PRPF4: variants seen among roughly 807,000 people sequenced by gnomAD.
PRPF4 encodes the protein pre-mRNA splicing tri-snRNP complex factor PRPF4, also known as U4/U6 small nuclear ribonucleoprotein Prp4.
PRPF4 carries 14 observed loss-of-function variants against 72.2 expected under a neutral mutation model. That is an observed-to-expected ratio of 0.19 (90% CI 0.13 to 0.30). The LOEUF is 0.30. Ranked by LOEUF, PRPF4 falls within the 10% of genes least tolerant of loss-of-function variation. PRPF4 has a pLI of 1.00. For missense variants in PRPF4, 478 were observed against 653.9 expected (o/e 0.73, Z 2.93); for synonymous variants, 225 against 232.2 (o/e 0.97, Z 0.28).
rs967227150 is a variant in PRPF4 at position 113,292,220 on chromosome 9, A to C, written c.*560A>C. Reference sequence around the variant, plus strand: ...CAGAGCAAGACCCTGTCTCAAAAAAAAAAAAAATTTGTTCGAATGCCTTAT... The same window carrying C: ...CAGAGCAAGACCCTGTCTCAAAAAACAAAAAAATTTGTTCGAATGCCTTAT... On this transcript the variant is annotated 3_prime_UTR_variant, in exon 14 of 14. Transcript: ENST00000374198. 1 of 152,530 alleles carries C rather than the reference A, an allele frequency of 6.6e-6. No individual in the cohort carries two copies. Among genetic ancestry groups the C allele is most frequent in the African/African-American group, 2.4e-5 (1 of 41,422 alleles). The allele number at this position is 152,530 out of a possible 1,614,324, so 9.4% of individuals were successfully genotyped here. A position where few individuals can be genotyped will look rare whatever the true frequency, so the allele number is the denominator to read the frequency against.
chr9:113,281,920 G>T (rs1832293554), intron 3 of PRPF4, among the ~76,000 whole-genome samples: 1 of 152,084 alleles, frequency 6.6e-6, no homozygotes, highest in East Asian at 1.9e-4. Context: ...TGTTTCCCCA[G>T]GACTAAGCTA....
Position 113,282,664 on chromosome 9 carries a change from A to G in PRPF4, c.411A>G (p.Ser137=), listed in dbSNP as rs2118610539. ...TTAACAGGTTAAGAAATATCCTCTC[A>G]GTTGTCGGTACTGATGCCTTGAAAA... ...ERRERLRNIL[S]VVGTDALKKT... The change falls in exon 4 of 14, where the codon TCA becomes TCG. Residue 137 remains serine (S), a synonymous_variant. Transcript: ENST00000374198. 1 of 1,602,954 alleles carries G rather than the reference A, an allele frequency of 6.2e-7. No homozygotes were observed. Among genetic ancestry groups the G allele is most frequent in the African/African-American group, 1.4e-5 (1 of 73,974 alleles).
At chr9:113,283,607 C>A in intron 6 of PRPF4, 125 bp downstream of exon 6, 2 of 917,340 alleles carry the variant, frequency 2.2e-6, no homozygotes, top group Non-Finnish European at 3.3e-6. Context: ...TTAAGTTGAG[C>A]TGCTGTGACA....
rs772238193 is a variant in PRPF4, at chr9:113,278,977, G to C, written c.238G>C (p.Glu80Gln). 2.1e-5 allele frequency: 34 copies of C among 1,614,040 alleles called. No homozygotes were observed. The highest frequency in any genetic ancestry group is 2.9e-5 in the Non-Finnish European group (34 of 1,180,032). The change falls in exon 3 of 14, where the codon GAG becomes CAG. Residue 80 changes from glutamate to glutamine, a missense_variant. Transcript: ENST00000374198. ...GTTTGAAATTGAAGAGCATATCAGCGAGCGACAGGCAGAAGTATTGGCTGA... is the reference window on the plus strand; with the variant it reads ...GTTTGAAATTGAAGAGCATATCAGCCAGCGACAGGCAGAAGTATTGGCTGA... Reference protein sequence around the residue: ...EVFEIEEHISERQAEVLAEFE... With the variant: ...EVFEIEEHISQRQAEVLAEFE...
intron 7 of PRPF4, among the ~76,000 whole-genome samples, chr9:113,285,292 C>G (rs1440435310): frequency 6.8e-6 from 1 of 146,464 alleles, no homozygotes; most frequent in African/African-American, 2.5e-5. Context: ...CACTTGAGCC[C>G]AGGAGTTTGA....
rs375276606 is a variant in PRPF4 at position 113,292,742 on chromosome 9, C to G, written c.*1082C>G. On this transcript the variant is annotated 3_prime_UTR_variant, in exon 14 of 14. Transcript: ENST00000374198. ...TTCTCTTGGCTGTTTAAAGGATGTACTTCGTGTATTAAAGGGTACTTTATG... is the reference window on the plus strand; with the variant it reads ...TTCTCTTGGCTGTTTAAAGGATGTAGTTCGTGTATTAAAGGGTACTTTATG... 3.9e-5 allele frequency: 6 copies of G among 152,186 alleles called. No homozygotes were observed. Among genetic ancestry groups the G allele is most frequent in the African/African-American group, 1.2e-4 (5 of 41,440 alleles). The allele number at this position is 152,186 out of a possible 1,614,324, so 9.4% of individuals were successfully genotyped here.
rs1832649559 is a variant in PRPF4, at chr9:113,292,862, C to T, written c.*1202C>T. ...GGTAAAATCCTGTTACAAAACTACC[C>T]TATAAAGAATTATTTTCTATAGTTA... On this transcript the variant is annotated 3_prime_UTR_variant, in exon 14 of 14. Coordinates refer to ENST00000374198, the MANE Select transcript of PRPF4 (RefSeq NM_001244926.2). 1 of 152,142 alleles carries T rather than the reference C, an allele frequency of 6.6e-6. No individual in the cohort carries two copies. The highest frequency in any genetic ancestry group is 2.4e-5 in the African/African-American group (1 of 41,444). 9.4% of individuals were successfully genotyped at this position (152,142 alleles called of 1,614,324 possible).
At chr9:113,289,990 T>G (rs1832561477) in intron 10 of PRPF4, among the ~76,000 whole-genome samples, 1 of 152,006 alleles carries the variant, frequency 6.6e-6, no homozygotes, top group Non-Finnish European at 1.5e-5. Context: ...AAGACCACGG[T>G]GGGTGGATCA....
rs1240131658 is a variant in PRPF4, at chr9:113,276,565, A to C, written c.45A>C (p.Ala15=). The C allele has an allele frequency of 6.2e-7, 1 of 1,614,106 alleles. No homozygotes were observed. Among genetic ancestry groups the C allele is most frequent in the Admixed American group, 1.7e-5 (1 of 59,996 alleles). The change falls in exon 2 of 14, where the codon GCA becomes GCC. Residue 15 remains alanine (A), a synonymous_variant. Coordinates refer to ENST00000374198, the MANE Select transcript of PRPF4 (RefSeq NM_001244926.2). ...TTTAGCAGGCAACCAAAACTAAAGC[A>C]CCCGACGACTTAGTTGCTCCGGTCG... is the stretch of plus-strand genomic sequence containing the variant. The part of the protein sequence containing the change: ...RASSTATKTK[A]PDDLVAPVVK...
chr9:113,279,442 C>T (rs901199559), intron 3 of PRPF4, among the ~76,000 whole-genome samples: 3 of 152,208 alleles, frequency 2.0e-5, no homozygotes, highest in Non-Finnish European at 4.4e-5. Flanking sequence ...CGGCTCACTG[C>T]AGCCTCCGCC....
chr9:113,283,106 C>G (rs1832330806), intron 4 of PRPF4, 26 bp from the exon 5 acceptor site: 1 of 1,614,018 alleles, frequency 6.2e-7, no homozygotes, highest in African/African-American at 1.3e-5. Context: ...CAGATTTGAC[C>G]TTTCTGCTCT....
In PRPF4 at chr9:113,283,486, A is replaced by T. The variant is rs556015541; in HGVS notation, c.654+4A>T. 19 of 1,613,550 alleles carry T rather than the reference A, an allele frequency of 1.2e-5. No individual in the cohort carries two copies. The South Asian group carries it at 1.9e-4, about 16-fold the overall frequency. ...AGAGCTGCACAAGTCTCTCCGGGTA[A>T]GATGCTCCCAGCAATTGTCCCACAT... On this transcript the variant is annotated splice_donor_region_variant and intron_variant, in intron 6 of 13. Transcript: ENST00000374198.
At chr9:113,277,836 A>G (rs779339452) in intron 2 of PRPF4, among the ~76,000 whole-genome samples, 1 of 152,190 alleles carries the variant, frequency 6.6e-6, no homozygotes, top group Non-Finnish European at 1.5e-5. Flanking sequence ...CCCCATCTCT[A>G]CAAAAAGTAG....
At chr9:113,277,121 A>G (rs1197353424) in intron 2 of PRPF4, among the ~76,000 whole-genome samples, 2 of 151,776 alleles carry the variant, frequency 1.3e-5, no homozygotes, top group African/African-American at 4.8e-5. Flanking sequence ...CAGAATTTCA[A>G]TTCTTAAACT....
chr9:113,291,646 T>C lies in PRPF4; in HGVS notation c.1552T>C (p.Trp518Arg), dbSNP rs756127507. 1.5e-5 allele frequency: 25 copies of C among 1,614,048 alleles called. No homozygotes were observed. The highest frequency in any genetic ancestry group is 8.5e-7 in the Non-Finnish European group (1 of 1,180,010). Residue 518 changes from tryptophan (W) to arginine (R), a missense_variant, in exon 14 of 14, where the codon TGG becomes CGG. By Grantham distance (101) the Trp-to-Arg change is moderately radical (BLOSUM62 -3). Transcript: ENST00000374198. ...CTCATATGACAGGACCTTCAAGCTG[T>C]GGATGGCTGAATAGATGACAATGGG... ...TCSYDRTFKLWMAE is the reference protein window; with the variant it reads ...TCSYDRTFKLRMAE
In PRPF4 at chr9:113,286,688, C is replaced by G; in HGVS notation, c.809-17C>G. The G allele has an allele frequency of 6.2e-7, 1 of 1,614,104 alleles. No individual in the cohort carries two copies. Among genetic ancestry groups the G allele is most frequent in the Non-Finnish European group, 8.5e-7 (1 of 1,180,014 alleles). On this transcript the variant is annotated splice_polypyrimidine_tract_variant and intron_variant, in intron 8 of 13. Coordinates refer to ENST00000374198, the MANE Select transcript of PRPF4 (RefSeq NM_001244926.2). ...GAGGCAGGAACCTTTTAACTTGCAT[C>G]TCTTACACTCCTTTAGGGCATAACA...
chr9:113,284,446 A>AATTTTCT, intron 7 of PRPF4, 57 bp downstream of exon 7: 1 of 1,433,250 alleles, frequency 7.0e-7, no homozygotes. Flanking sequence ...CTCAGGAAGA[A>AATTTTCT]AATTAGCATT....
At chr9:113,286,432 C>A in intron 8 of PRPF4, 142 bp downstream of exon 8, 1 of 914,786 alleles carries the variant, frequency 1.1e-6, no homozygotes, top group Non-Finnish European at 1.7e-6. Context: ...GGCTGCAAGA[C>A]TGGACTATCA....
Position 113,283,554 on chromosome 9 carries a change from C to T in PRPF4, c.654+72C>T, listed in dbSNP as rs532316646. ...TTTATTTGATTTTTCTACTTTGGCT[C>T]ACCTCTGGGAAGGTAGAGGCAACTA... On this transcript the variant is annotated intron_variant, in intron 6 of 13. Coordinates refer to ENST00000374198, the MANE Select transcript of PRPF4 (RefSeq NM_001244926.2). The T allele has an allele frequency of 4.0e-4, 619 of 1,529,888 alleles. 1 individual carries two copies. The highest frequency in any genetic ancestry group is 5.1e-4 in the Non-Finnish European group (572 of 1,118,122). 94.8% of individuals were successfully genotyped at this position (1,529,888 alleles called of 1,614,324 possible). A position where few individuals can be genotyped will look rare whatever the true frequency, so the allele number is the denominator to read the frequency against.
Sources: gnomAD v4.1 joint callset for allele counts (sites outside exome capture counted in the v4.1 genomes callset) on GRCh38, gnomAD v4.1.1 for gene constraint, MANE v1.5 for transcripts, NCBI Gene and HGNC (gene_info 2026-07-23, HGNC 2026-07-21) for gene names.